KRTAP10-9: variants seen among roughly 807,000 people sequenced by gnomAD.
The protein encoded by KRTAP10-9 is keratin-associated protein 10-9.
KRTAP10-9 carries 1 observed loss-of-function variant against 0.5 expected under a neutral mutation model. That is an observed-to-expected ratio of 1.92 (90% CI 0.68 to 9.09). The LOEUF is 9.09. KRTAP10-9 is among the 30% of genes most tolerant of loss of function. The pLI is 0.13. For missense variants in KRTAP10-9, 391 were observed against 376.4 expected, an observed-to-expected ratio of 1.04 and a Z score of -0.32; for synonymous variants, 199 against 159.8, an observed-to-expected ratio of 1.25 and a Z score of -1.85.
In KRTAP10-9 at chr21:44,627,854, C is replaced by T. The variant is rs1268659976; in HGVS notation, c.683C>T (p.Ser228Phe). The change falls in exon 1 of 1, where the codon TCC (serine) becomes TTC (phenylalanine). Residue 228 changes from serine to phenylalanine, a missense_variant. Coordinates refer to ENST00000397911, the MANE Select transcript of KRTAP10-9 (RefSeq NM_198690.3). The part of the protein sequence containing the change: ...ACCTTSCCRP[S>F]SSVSLLCRPV... ...TGCACCACCTCCTGCTGCAGACCCT[C>T]CTCCTCTGTGTCCCTCCTCTGCCGC... The T allele has an allele frequency of 1.9e-6, 3 of 1,613,706 alleles. No individual in the cohort carries two copies. Among genetic ancestry groups the T allele is most frequent in the Non-Finnish European group, 2.5e-6 (3 of 1,179,832 alleles).
In KRTAP10-9 at chr21:44,627,163, C is replaced by T. The variant is rs1308371205; in HGVS notation, c.-9C>T. Reference sequence around the variant, plus strand: ...CACCTCCCCCAGCTCACCTCCTCCCCACCCCAGCATGGCCGCGTCCACCAT... The same window carrying T: ...CACCTCCCCCAGCTCACCTCCTCCCTACCCCAGCATGGCCGCGTCCACCAT... On this transcript the variant is annotated 5_prime_UTR_variant, in exon 1 of 1. Transcript: ENST00000397911. 2.7e-5 allele frequency: 43 copies of T among 1,609,556 alleles called. No homozygotes were observed. Among genetic ancestry groups the T allele is most frequent in the Non-Finnish European group, 3.3e-5 (39 of 1,178,018 alleles).
Position 44,627,931 on chromosome 21 carries a change from A to G in KRTAP10-9, c.760A>G (p.Thr254Ala), listed in dbSNP as rs587684132. Residue 254 changes from threonine to alanine, a missense_variant, in exon 1 of 1, where the codon ACC becomes GCC. Transcript: ENST00000397911. ...CVPVSSCCAP[T>A]SSRQPSYCRQ... is the part of the protein sequence containing the mutation. ...GCCCGTCTCCTCCTGCTGTGCCCCC[A>G]CCTCCTCCCGCCAGCCCAGCTATTG... 1.0e-4 allele frequency: 156 copies of G among 1,513,176 alleles called. 1 individual carries two copies. The highest frequency in any genetic ancestry group is 7.5e-4 in the African/African-American group (53 of 70,736). 93.7% of individuals were successfully genotyped at this position (1,513,176 alleles called of 1,614,324 possible).
chr21:44,627,435 T>G lies in KRTAP10-9; in HGVS notation c.264T>G (p.Ala88=). Reference sequence around the variant, plus strand: ...GCCAGCAGTCTAGCTGCCAGCCGGCTTACTGCACCTCCTCCCCCTGCCAGC... The same window carrying G: ...GCCAGCAGTCTAGCTGCCAGCCGGCGTACTGCACCTCCTCCCCCTGCCAGC... ...SCCQQSSCQP[A]YCTSSPCQQA... The change falls in exon 1 of 1, where the codon GCT becomes GCG. Residue 88 remains alanine (A), a synonymous_variant. Coordinates refer to ENST00000397911, the MANE Select transcript of KRTAP10-9 (RefSeq NM_198690.3). 1 of 1,613,546 alleles carries G rather than the reference T, an allele frequency of 6.2e-7. No homozygotes were observed. The highest frequency in any genetic ancestry group is 1.3e-5 in the African/African-American group (1 of 74,870).
At position 44,627,253 on chromosome 21, in the gene KRTAP10-9, G is replaced by A; in HGVS notation, c.82G>A (p.Glu28Lys). The A allele has an allele frequency of 3.1e-6, 5 of 1,612,670 alleles. No homozygotes were observed. The highest frequency in any genetic ancestry group is 4.2e-6 in the Non-Finnish European group (5 of 1,179,982). ...GGACGACTGCCCAGAGAGCTGCTGT[G>A]AGCCCCCCTGCTGCGCCACCAGCTG... is the stretch of plus-strand genomic sequence containing the variant. ...QVDDCPESCCEPPCCATSCCA... is the reference protein window; with the variant it reads ...QVDDCPESCCKPPCCATSCCA... Residue 28 changes from glutamate (E) to lysine (K), a missense_variant, in exon 1 of 1, where the codon GAG becomes AAG. Physicochemically the swap from Glu to Lys is moderately conservative, Grantham distance 56. Coordinates refer to ENST00000397911, the MANE Select transcript of KRTAP10-9 (RefSeq NM_198690.3).
Position 44,627,870 on chromosome 21 carries a change from C to A in KRTAP10-9, c.699C>A (p.Leu233=). The A allele has an allele frequency of 6.2e-7, 1 of 1,613,738 alleles. No homozygotes were observed. The highest frequency in any genetic ancestry group is 8.5e-7 in the Non-Finnish European group (1 of 1,179,718). The part of the protein sequence containing the change: ...SCCRPSSSVS[L]LCRPVCRPAC... ...GCAGACCCTCCTCCTCTGTGTCCCT[C>A]CTCTGCCGCCCTGTGTGCAGGCCCG... Residue 233 remains leucine (L), a synonymous_variant, in exon 1 of 1, where the codon CTC becomes CTA. Coordinates refer to ENST00000397911, the MANE Select transcript of KRTAP10-9 (RefSeq NM_198690.3).
At position 44,628,134 on chromosome 21, in the gene KRTAP10-9, C is replaced by T; in HGVS notation, c.*84C>T. On this transcript the variant is annotated 3_prime_UTR_variant, in exon 1 of 1. Coordinates refer to ENST00000397911, the MANE Select transcript of KRTAP10-9 (RefSeq NM_198690.3). ...CCTCCCAGCCCACCCAGCCTCAGCACAGCTCAACACAGAAGGAGCAGCCCC... is the reference window on the plus strand; with the variant it reads ...CCTCCCAGCCCACCCAGCCTCAGCATAGCTCAACACAGAAGGAGCAGCCCC... 1 of 1,501,058 alleles carries T rather than the reference C, an allele frequency of 6.7e-7. No homozygotes were observed. The highest frequency in any genetic ancestry group is 9.0e-7 in the Non-Finnish European group (1 of 1,106,882). The allele number at this position is 1,501,058 out of a possible 1,614,324, so 93.0% of individuals were successfully genotyped here.
chr21:44,627,852 C>G lies in KRTAP10-9; in HGVS notation c.681C>G (p.Pro227=), dbSNP rs781938468. ...GCTGCACCACCTCCTGCTGCAGACC[C>G]TCCTCCTCTGTGTCCCTCCTCTGCC... ...PACCTTSCCR[P]SSSVSLLCRP... Residue 227 remains proline (P), a synonymous_variant, in exon 1 of 1, where the codon CCC becomes CCG. Coordinates refer to ENST00000397911, the MANE Select transcript of KRTAP10-9 (RefSeq NM_198690.3). The G allele has an allele frequency of 1.2e-6, 2 of 1,613,782 alleles. No homozygotes were observed. The highest frequency in any genetic ancestry group is 3.3e-5 in the Admixed American group (2 of 60,006).
Position 44,627,357 on chromosome 21 carries a change from T to C in KRTAP10-9, c.186T>C (p.Cys62=), listed in dbSNP as rs1982889061. The C allele has an allele frequency of 1.2e-6, 2 of 1,613,424 alleles. No individual in the cohort carries two copies. Among genetic ancestry groups the C allele is most frequent in the Admixed American group, 1.7e-5 (1 of 59,998 alleles). Reference sequence around the variant, plus strand: ...CCAGCCCCTGCTGCCAGGTGACCTGTGAGCCCAGCCCCTGCCAATCAGGCT... The same window carrying C: ...CCAGCCCCTGCTGCCAGGTGACCTGCGAGCCCAGCCCCTGCCAATCAGGCT... ...RVSSPCCQVT[C]EPSPCQSGCT... Residue 62 remains cysteine, a synonymous_variant, in exon 1 of 1, where the codon TGT becomes TGC. Transcript: ENST00000397911.
rs1445443837 is a variant in KRTAP10-9, at chr21:44,627,953, A to G, written c.782A>G (p.Tyr261Cys). ...CCCACCTCCTCCCGCCAGCCCAGCTATTGCCGCCAGGCCTCCTGTGTGTCC... is the reference window on the plus strand; with the variant it reads ...CCCACCTCCTCCCGCCAGCCCAGCTGTTGCCGCCAGGCCTCCTGTGTGTCC... ...CAPTSSRQPS[Y>C]CRQASCVSLL... The change falls in exon 1 of 1, where the codon TAT becomes TGT. Residue 261 changes from tyrosine to cysteine, a missense_variant. Tyr to Cys is a radical substitution (Grantham distance 194). Transcript: ENST00000397911. 4.1e-5 allele frequency: 62 copies of G among 1,516,004 alleles called. No individual in the cohort carries two copies. The highest frequency in any genetic ancestry group is 5.6e-5 in the Non-Finnish European group (62 of 1,115,984). 93.9% of individuals were successfully genotyped at this position (1,516,004 alleles called of 1,614,324 possible).
In KRTAP10-9 at chr21:44,627,097, A is replaced by C. The variant is rs1982842188; in HGVS notation, c.-75A>C. 2 of 1,564,250 alleles carry C rather than the reference A, an allele frequency of 1.3e-6. No homozygotes were observed. Among genetic ancestry groups the C allele is most frequent in the Middle Eastern group, 2.3e-4 (1 of 4,346 alleles). ...CCTGAGAGCCCCAAGAACCTCACAC[A>C]CTCACAAACTCACTCACTGACACAC... On this transcript the variant is annotated 5_prime_UTR_variant, in exon 1 of 1. Coordinates refer to ENST00000397911, the MANE Select transcript of KRTAP10-9 (RefSeq NM_198690.3).
chr21:44,628,137 C>T lies in KRTAP10-9; in HGVS notation c.*87C>T. 1.3e-6 allele frequency: 2 copies of T among 1,486,398 alleles called. No homozygotes were observed. Among genetic ancestry groups the T allele is most frequent in the South Asian group, 2.5e-5 (2 of 78,480 alleles). The allele number at this position is 1,486,398 out of a possible 1,614,324, so 92.1% of individuals were successfully genotyped here. On this transcript the variant is annotated 3_prime_UTR_variant, in exon 1 of 1. Coordinates refer to ENST00000397911, the MANE Select transcript of KRTAP10-9 (RefSeq NM_198690.3). ...CCCAGCCCACCCAGCCTCAGCACAG[C>T]TCAACACAGAAGGAGCAGCCCCAGC...
Position 44,628,328 on chromosome 21 carries a change from C to T in KRTAP10-9, c.*278C>T. 1 of 382,612 alleles carries T rather than the reference C, an allele frequency of 2.6e-6. No homozygotes were observed. The highest frequency in any genetic ancestry group is 3.2e-5 in the South Asian group (1 of 31,134). The allele number at this position is 382,612 out of a possible 1,614,324, so 23.7% of individuals were successfully genotyped here. A position where few individuals can be genotyped will look rare whatever the true frequency, so the allele number is the denominator to read the frequency against. ...GCCCTCCTGACCCGGGTCTCACCCC[C>T]AGCAGCGTCACCCTCTGCCCCTGAG... On this transcript the variant is annotated 3_prime_UTR_variant, in exon 1 of 1. Coordinates refer to ENST00000397911, the MANE Select transcript of KRTAP10-9 (RefSeq NM_198690.3).
Position 44,627,308 on chromosome 21 carries a change from T to A in KRTAP10-9, c.137T>A (p.Val46Asp). The A allele has an allele frequency of 6.2e-7, 1 of 1,612,780 alleles. No homozygotes were observed. Among genetic ancestry groups the A allele is most frequent in the Non-Finnish European group, 8.5e-7 (1 of 1,179,922 alleles). ...GCCCCGGCCCCCTGCCTGACCCTGG[T>A]CTGCACCCCAGTGAGCCGTGTATCC... is the stretch of plus-strand genomic sequence containing the variant. The part of the protein sequence containing the change: ...CCAPAPCLTL[V>D]CTPVSRVSSP... Residue 46 changes from valine (V) to aspartate (D), a missense_variant, in exon 1 of 1, where the codon GTC becomes GAC. By Grantham distance (152) the Val-to-Asp change is radical. Coordinates refer to ENST00000397911, the MANE Select transcript of KRTAP10-9 (RefSeq NM_198690.3).
Position 44,627,204 on chromosome 21 carries a change from C to T in KRTAP10-9, c.33C>T (p.Ser11=), listed in dbSNP as rs368333322. The stretch of plus-strand genomic sequence containing the variant: ...CGTCCACCATGTCCATCCGCTCCAG[C>T]GCTTACTCCGACTCCTGGCAGGTGG... The part of the protein sequence containing the change: MAASTMSIRS[S]AYSDSWQVDD... Residue 11 remains serine (S), a synonymous_variant, in exon 1 of 1, where the codon AGC becomes AGT. Coordinates refer to ENST00000397911, the MANE Select transcript of KRTAP10-9 (RefSeq NM_198690.3). The T allele has an allele frequency of 3.0e-5, 49 of 1,613,040 alleles. No homozygotes were observed. Among genetic ancestry groups the T allele is most frequent in the South Asian group, 2.2e-4 (20 of 91,018 alleles).
rs587699794 is a variant in KRTAP10-9, at chr21:44,627,910, G to A, written c.739G>A (p.Val247Ile). ...GTGCAGGCCCGCCTGCTGCGTGCCC[G>A]TCTCCTCCTGCTGTGCCCCCACCTC... ...PVCRPACCVP[V>I]SSCCAPTSSR... Residue 247 changes from valine to isoleucine, a missense_variant, in exon 1 of 1, where the codon GTC (valine) becomes ATC (isoleucine). Physicochemically the swap from Val to Ile is conservative, Grantham distance 29. Coordinates refer to ENST00000397911, the MANE Select transcript of KRTAP10-9 (RefSeq NM_198690.3). The A allele has an allele frequency of 5.6e-5, 85 of 1,519,480 alleles. No individual in the cohort carries two copies. Among genetic ancestry groups the A allele is most frequent in the South Asian group, 7.3e-5 (6 of 81,896 alleles). The allele number at this position is 1,519,480 out of a possible 1,614,324, so 94.1% of individuals were successfully genotyped here.
rs587677446 is a variant in KRTAP10-9 at position 44,627,472 on chromosome 21, G to A, written c.301G>A (p.Val101Met). Residue 101 changes from valine to methionine, a missense_variant, in exon 1 of 1, where the codon GTG becomes ATG. Coordinates refer to ENST00000397911, the MANE Select transcript of KRTAP10-9 (RefSeq NM_198690.3). ...TSSPCQQACC[V>M]PVCCKPVCCV... ...CTCCCCCTGCCAGCAGGCCTGCTGC[G>A]TGCCCGTCTGCTGCAAGCCTGTGTG... is the stretch of plus-strand genomic sequence containing the variant. 1.8e-4 allele frequency: 281 copies of A among 1,542,574 alleles called. 2 individuals are homozygous for A. The highest frequency in any genetic ancestry group is 6.9e-4 in the Admixed American group (33 of 48,006).
Position 44,627,806 on chromosome 21 carries a change from A to T in KRTAP10-9, c.635A>T (p.Gln212Leu). 1.2e-6 allele frequency: 2 copies of T among 1,605,430 alleles called. No individual in the cohort carries two copies. Among genetic ancestry groups the T allele is most frequent in the Non-Finnish European group, 1.7e-6 (2 of 1,175,486 alleles). ...GGGGCTTCCTCTTTGTGCTGCCAGC[A>T]GTCTGGCTGCCAGCCGGCTTGCTGC... Reference protein sequence around the residue: ...CSGASSLCCQQSGCQPACCTT... With the variant: ...CSGASSLCCQLSGCQPACCTT... Residue 212 changes from glutamine (Q) to leucine (L), a missense_variant, in exon 1 of 1, where the codon CAG becomes CTG. Gln to Leu is a moderately radical substitution (Grantham distance 113). Transcript: ENST00000397911.
Position 44,627,319 on chromosome 21 carries a change from G to A in KRTAP10-9, c.148G>A (p.Val50Met), listed in dbSNP as rs1555934596. ...CTGCCTGACCCTGGTCTGCACCCCA[G>A]TGAGCCGTGTATCCAGCCCCTGCTG... ...APCLTLVCTP[V>M]SRVSSPCCQV... The change falls in exon 1 of 1, where the codon GTG (valine) becomes ATG (methionine). Residue 50 changes from valine to methionine, a missense_variant. Transcript: ENST00000397911. 3.1e-6 allele frequency: 5 copies of A among 1,612,840 alleles called. No individual in the cohort carries two copies. Among genetic ancestry groups the A allele is most frequent in the East Asian group, 4.5e-5 (2 of 44,882 alleles).
intron 1 of KRTAP10-9, chr21:44,627,843 C>A: frequency 1.2e-6 from 2 of 1,614,028 alleles, no homozygotes; most frequent in Non-Finnish European, 1.7e-6. Context: ...CCACCTCCTG[C>A]TGCAGACCCT....
Sources: gnomAD v4.1 joint callset for allele counts on GRCh38, gnomAD v4.1.1 for gene constraint, MANE v1.5 for transcripts, NCBI Gene and HGNC (gene_info 2026-07-23, HGNC 2026-07-21) for gene names.